The following ST6GALNAC3 variants were observed in gnomAD, a reference collection of about 807,000 sequenced individuals.
ST6GALNAC3 encodes the protein alpha-N-acetylgalactosaminide alpha-2,6-sialyltransferase 3.
In ST6GALNAC3, 25 loss-of-function variants were observed where a neutral mutation model predicts 32.7. The observed-to-expected ratio is 0.76, with a 90% CI of 0.56 to 1.07. The LOEUF (loss-of-function observed/expected upper bound fraction) is 1.07, where lower values mean the gene tolerates loss of function less well. ST6GALNAC3 is among the 50% of genes least tolerant of loss of function. ST6GALNAC3 has a pLI of 0.00. For synonymous variants in ST6GALNAC3, 129 were observed against 133.1 expected, an observed-to-expected ratio of 0.97 and a Z score of 0.21; for missense variants, 355 against 382.4, an observed-to-expected ratio of 0.93 and a Z score of 0.60.
downstream of ST6GALNAC3, chr1:76,636,878 CTTCTTTCAGAAT>C (rs1323042319): frequency 7.9e-5 from 12 of 152,128 alleles, no homozygotes; most frequent in Middle Eastern, 3.2e-3. Context: ...CAATGTTTAC[CTTCTTTCAGAAT>C]AATGTGAAAT....
intron 1 of ST6GALNAC3, among the ~76,000 whole-genome samples, chr1:76,139,404 A>G (rs1042037919): frequency 1.3e-5 from 2 of 150,144 alleles, no homozygotes; most frequent in African/African-American, 4.9e-5. Context: ...AAACACACAC[A>G]CATATAAACA....
intron 3 of ST6GALNAC3, among the ~76,000 whole-genome samples, chr1:76,464,124 C>T (rs1363564716): frequency 6.6e-6 from 1 of 152,124 alleles, no homozygotes; most frequent in South Asian, 2.1e-4. Flanking sequence ...CTAAATCACC[C>T]TTTTGACACT....
At chr1:76,401,956 G>A (rs1274261945) in intron 2 of ST6GALNAC3, among the ~76,000 whole-genome samples, 6 of 152,100 alleles carry the variant, frequency 3.9e-5, no homozygotes, top group African/African-American at 1.4e-4. Flanking sequence ...GCAGATTTTA[G>A]TGTTAGTGAG....
chr1:76,225,653 T>A (rs1274282631), intron 1 of ST6GALNAC3, among the ~76,000 whole-genome samples: 6 of 152,168 alleles, frequency 3.9e-5, no homozygotes, highest in Non-Finnish European at 5.9e-5. Context: ...TCTCATTTTG[T>A]AAGGAGATAA....
At chr1:76,120,156 A>T (rs980103241) in intron 1 of ST6GALNAC3, among the ~76,000 whole-genome samples, 10 of 152,252 alleles carry the variant, frequency 6.6e-5, no homozygotes, top group African/African-American at 2.4e-4. Flanking sequence ...ATACATCCCC[A>T]TCACTTGGCT....
chr1:76,124,829 G>A (rs1011018594), intron 1 of ST6GALNAC3, among the ~76,000 whole-genome samples: 9 of 152,084 alleles, frequency 5.9e-5, no homozygotes, highest in Non-Finnish European at 8.8e-5. Flanking sequence ...GTCCAATATG[G>A]TAGCTACTAG....
At chr1:76,568,764 G>C (rs1665698003) in intron 3 of ST6GALNAC3, among the ~76,000 whole-genome samples, 1 of 152,192 alleles carries the variant, frequency 6.6e-6, no homozygotes, top group Non-Finnish European at 1.5e-5. Context: ...GGTTCGCCAA[G>C]AGTGTTTCTG....
chr1:76,110,420 C>A (rs1277387434), intron 1 of ST6GALNAC3, among the ~76,000 whole-genome samples: 1 of 152,198 alleles, frequency 6.6e-6, no homozygotes, highest in African/African-American at 2.4e-5. Flanking sequence ...TGTGCTTTGC[C>A]CTATTTTTGA....
intron 1 of ST6GALNAC3, among the ~76,000 whole-genome samples, chr1:76,137,475 A>T (rs1650016490): frequency 6.6e-6 from 1 of 152,250 alleles, no homozygotes; most frequent in Non-Finnish European, 1.5e-5. Context: ...CAAGAAGCAC[A>T]GAATATATAG....
At chr1:76,487,135 C>T (rs1350241567) in intron 3 of ST6GALNAC3, among the ~76,000 whole-genome samples, 1 of 152,182 alleles carries the variant, frequency 6.6e-6, no homozygotes, top group Non-Finnish European at 1.5e-5. Flanking sequence ...GTAACCCGAC[C>T]TTTCTCTCTG....
At chr1:76,222,606 A>G (rs1655837318) in intron 1 of ST6GALNAC3, among the ~76,000 whole-genome samples, 1 of 152,216 alleles carries the variant, frequency 6.6e-6, no homozygotes, top group Admixed American at 6.5e-5. Flanking sequence ...GCACATGTAT[A>G]CATATGTAAC....
intron 3 of ST6GALNAC3, among the ~76,000 whole-genome samples, chr1:76,576,350 C>T (rs1025670341): frequency 6.6e-6 from 1 of 152,008 alleles, no homozygotes; most frequent in African/African-American, 2.4e-5. Flanking sequence ...TTTGTATGTC[C>T]TGATAAACTG....
intron 1 of ST6GALNAC3, among the ~76,000 whole-genome samples, chr1:76,201,679 A>T (rs951806134): frequency 6.6e-6 from 1 of 152,188 alleles, no homozygotes; most frequent in Non-Finnish European, 1.5e-5. Context: ...GACTGGAATA[A>T]ACTACATTTT....
At chr1:76,465,266 C>G (rs1658550579) in intron 3 of ST6GALNAC3, among the ~76,000 whole-genome samples, 1 of 152,152 alleles carries the variant, frequency 6.6e-6, no homozygotes, top group South Asian at 2.1e-4. Context: ...CCTTGGAGAA[C>G]AAAATGCTTA....
In ST6GALNAC3 at chr1:76,412,404, A is replaced by G. The variant is rs772627771; in HGVS notation, c.610A>G (p.Thr204Ala). 1 of 1,602,066 alleles carries G rather than the reference A, an allele frequency of 6.2e-7. No homozygotes were observed. Among genetic ancestry groups the G allele is most frequent in the Admixed American group, 1.7e-5 (1 of 58,708 alleles). Residue 204 changes from threonine (T) to alanine (A), a missense_variant, in exon 3 of 5, where the codon ACT becomes GCT. Physicochemically the swap from Thr to Ala is moderately conservative, Grantham distance 58. Transcript: ENST00000328299. ...CTGTGATGGAGTTTTTAAGAAGGAA[A>G]CTGGGAAGGACAGGTGAGCCCTCTC... ...SYCDGVFKKE[T>A]GKDRVQSGSY... is the part of the protein sequence containing the mutation.
Position 76,634,095 on chromosome 1 carries a change from T to C in ST6GALNAC3, c.*5289T>C. On this transcript the variant is annotated 3_prime_UTR_variant, in exon 5 of 5. Transcript: ENST00000328299. Reference sequence around the variant, plus strand: ...TGTTTCTTTTCAGAATAGGCACTTTTTTTTGAGTAGAAAACCTCTTCTTTC... The same window carrying C: ...TGTTTCTTTTCAGAATAGGCACTTTCTTTTGAGTAGAAAACCTCTTCTTTC... The C allele has an allele frequency of 1.0e-6, 1 of 961,846 alleles. No individual in the cohort carries two copies. The highest frequency in any genetic ancestry group is 1.2e-6 in the Non-Finnish European group (1 of 808,500). 59.6% of individuals were successfully genotyped at this position (961,846 alleles called of 1,614,324 possible).
intron 3 of ST6GALNAC3, among the ~76,000 whole-genome samples, chr1:76,530,498 C>A (rs577388858): frequency 6.6e-6 from 1 of 152,052 alleles, no homozygotes; most frequent in East Asian, 1.9e-4. Context: ...AGAATGAAGC[C>A]GAACAGAGCT....
chr1:76,336,250 TC>T (rs1338028904), intron 2 of ST6GALNAC3, among the ~76,000 whole-genome samples: 1 of 152,218 alleles, frequency 6.6e-6, no homozygotes, highest in African/African-American at 2.4e-5. Flanking sequence ...TGGCATTATT[TC>T]AATTATTTGT....
downstream of ST6GALNAC3, among the ~76,000 whole-genome samples, chr1:76,635,389 C>T (rs540811880): frequency 8.4e-4 from 128 of 152,112 alleles, no homozygotes; most frequent in Non-Finnish European, 1.6e-3. Flanking sequence ...TACTTATATG[C>T]CAGGCTTATT....
Sources: allele counts gnomAD v4.1 joint callset (sites outside exome capture counted in the v4.1 genomes callset), GRCh38; gene constraint gnomAD v4.1.1; transcripts MANE v1.5; gene names NCBI Gene and HGNC (gene_info 2026-07-23, HGNC 2026-07-21).